The following TRAPPC13 variants were observed in gnomAD, a reference collection of about 807,000 sequenced individuals.
TRAPPC13 encodes REV7-interacting novel NHEJ regulator 1.
A neutral mutation model predicts 54.0 loss-of-function variants in TRAPPC13; 39 were observed. The observed-to-expected ratio is 0.72, with a 90% CI of 0.56 to 0.94. The LOEUF is 0.94. Ranked by LOEUF, TRAPPC13 falls within the 40% of genes least tolerant of loss-of-function variation. The pLI, the probability that TRAPPC13 is intolerant of heterozygous loss-of-function variation, is 0.00. For synonymous variants in TRAPPC13, 148 were observed against 167.7 expected, an observed-to-expected ratio of 0.88 and a Z score of 0.91; for missense variants, 386 against 488.1, an observed-to-expected ratio of 0.79 and a Z score of 1.97.
At chr5:65,629,780 G>T in intron 1 of TRAPPC13, 1 of 1,536,120 alleles carries the variant, frequency 6.5e-7, no homozygotes, top group Non-Finnish European at 8.7e-7. Flanking sequence ...TGAAGAGGCA[G>T]CTGAAGATGT....
chr5:65,626,008 T>C (rs1755209198), intron 1 of TRAPPC13: 1 of 152,242 alleles, frequency 6.6e-6, no homozygotes, highest in Admixed American at 6.5e-5. Flanking sequence ...TCTCATATAA[T>C]GATGCCTGTG....
At chr5:65,653,663 G>T (rs1370238277) in intron 7 of TRAPPC13, among the ~76,000 whole-genome samples, 1 of 152,100 alleles carries the variant, frequency 6.6e-6, no homozygotes, top group Non-Finnish European at 1.5e-5. Flanking sequence ...GAGTCTGAAA[G>T]GAATGCAGGT....
chr5:65,652,631 GA>G (rs763947718), intron 7 of TRAPPC13, 86 bp downstream of exon 7: 2 of 956,880 alleles, frequency 2.1e-6, no homozygotes, highest in Non-Finnish European at 3.4e-6. Flanking sequence ...TTCTAATACT[GA>G]AGCAAATCGC....
rs557404887 is a variant in TRAPPC13 at position 65,643,645 on chromosome 5, T to C, written c.301-3410T>C. On this transcript the variant is annotated intron_variant, in intron 4 of 12. Transcript: ENST00000399438. ...CATCCTGGCTAACACGGTGAAACCC[T>C]GTGTCTACTAAAAATACAAAAATTA... Among the ~76,000 whole-genome samples the C allele has an allele frequency of 4.5e-4, 68 of 151,894 alleles. 1 individual carries two copies. The highest frequency in any genetic ancestry group is 1.5e-3 in the Admixed American group (23 of 15,250).
intron 4 of TRAPPC13, among the ~76,000 whole-genome samples, chr5:65,645,663 G>A (rs1015284702): frequency 2.6e-4 from 39 of 151,988 alleles, no homozygotes; most frequent in Non-Finnish European, 4.6e-4. Context: ...AATTAGCCAG[G>A]CGTGGTGGTG....
chr5:65,657,080 G>A (rs945932823), intron 8 of TRAPPC13, among the ~76,000 whole-genome samples: 7 of 150,916 alleles, frequency 4.6e-5, no homozygotes, highest in East Asian at 4.0e-4. Flanking sequence ...CCATCTTGTG[G>A]GGGTTGGGGG....
chr5:65,657,588 C>A (rs769316133), intron 8 of TRAPPC13, among the ~76,000 whole-genome samples: 7 of 152,026 alleles, frequency 4.6e-5, no homozygotes, highest in African/African-American at 1.7e-4. Context: ...AACCAAATAG[C>A]ATAAAATAAT....
chr5:65,630,186 G>T, intron 1 of TRAPPC13: 2 of 1,535,958 alleles, frequency 1.3e-6, no homozygotes, highest in Non-Finnish European at 1.7e-6. Flanking sequence ...CTTCCATCTT[G>T]TAATGCTACA....
At chr5:65,637,675 A>G in intron 3 of TRAPPC13, 21 bp from the exon 4 acceptor site, 4 of 1,395,782 alleles carry the variant, frequency 2.9e-6, no homozygotes, top group Non-Finnish European at 4.0e-6. Context: ...TTTCTGCCTA[A>G]ATACTTATTT....
At chr5:65,636,946 G>A (rs1467935971) in intron 3 of TRAPPC13, among the ~76,000 whole-genome samples, 3 of 152,058 alleles carry the variant, frequency 2.0e-5, no homozygotes, top group African/African-American at 7.2e-5. Flanking sequence ...TAAAACCACT[G>A]GTGATTTTTA....
At chr5:65,645,742 T>C (rs994347339) in intron 4 of TRAPPC13, among the ~76,000 whole-genome samples, 4 of 152,156 alleles carry the variant, frequency 2.6e-5, no homozygotes, top group African/African-American at 9.7e-5. Context: ...AGATGGAGCT[T>C]GCAGTGAGCC....
At chr5:65,657,307 G>A (rs148561809) in intron 8 of TRAPPC13, among the ~76,000 whole-genome samples, 14 of 151,942 alleles carry the variant, frequency 9.2e-5, no homozygotes, top group African/African-American at 1.4e-4. Context: ...CCTTGAACCC[G>A]GGAGGCGGAG....
Position 65,664,753 on chromosome 5 carries a change from T to C in TRAPPC13, c.*142T>C, listed in dbSNP as rs749940453. ...GTAAAATGGTTAAAATATTAAATAT[T>C]TGTTTTGAAGAGATCTGATTTTATC... On this transcript the variant is annotated 3_prime_UTR_variant, in exon 13 of 13. Transcript: ENST00000399438. The C allele has an allele frequency of 1.1e-4, 74 of 664,984 alleles. No individual in the cohort carries two copies. Among genetic ancestry groups the C allele is most frequent in the Admixed American group, 4.2e-4 (14 of 33,418 alleles). The allele number at this position is 664,984 out of a possible 1,614,324, so 41.2% of individuals were successfully genotyped here.
chr5:65,656,394 A>G (rs1299846991), intron 8 of TRAPPC13, among the ~76,000 whole-genome samples: 2 of 152,132 alleles, frequency 1.3e-5, no homozygotes, highest in East Asian at 1.9e-4. Flanking sequence ...TTTAAAAGCA[A>G]TGGATTGATG....
intron 1 of TRAPPC13, among the ~76,000 whole-genome samples, chr5:65,628,751 A>G (rs191382306): frequency 6.6e-6 from 1 of 152,012 alleles, no homozygotes; most frequent in African/African-American, 2.4e-5. Flanking sequence ...GATTACAGGC[A>G]TGAGCCACCG....
rs1202707968 is a variant in TRAPPC13, at chr5:65,658,452, A to C, written c.649A>C (p.Ile217Leu). The C allele has an allele frequency of 6.3e-7, 1 of 1,588,952 alleles. No individual in the cohort carries two copies. Among genetic ancestry groups the C allele is most frequent in the Non-Finnish European group, 8.6e-7 (1 of 1,165,968 alleles). ...GGAGAAGGTTTCACTGGAGCCATCT[A>C]TTATGTACAATGTAACAGAATTAAA... is the stretch of plus-strand genomic sequence containing the variant. ...FMEKVSLEPS[I>L]MYNVTELNSV... Residue 217 changes from isoleucine to leucine, a missense_variant, in exon 9 of 13, where the codon ATT becomes CTT. Physicochemically the swap from Ile to Leu is conservative, Grantham distance 5 (BLOSUM62 2). Coordinates refer to ENST00000399438, the MANE Select transcript of TRAPPC13 (RefSeq NM_024941.4).
At chr5:65,650,307 G>A (rs577259763) in intron 5 of TRAPPC13, among the ~76,000 whole-genome samples, 16 of 150,990 alleles carry the variant, frequency 1.1e-4, no homozygotes, top group South Asian at 8.4e-4. Context: ...GATTACAGGC[G>A]CCCACCACCA....
intron 4 of TRAPPC13, among the ~76,000 whole-genome samples, chr5:65,644,925 G>C (rs1361614941): frequency 4.0e-5 from 6 of 149,662 alleles, no homozygotes; most frequent in Non-Finnish European, 7.4e-5. Context: ...GGCTGGGCGC[G>C]GTGGCTCATA....
At position 65,662,110 on chromosome 5, in the gene TRAPPC13, G is replaced by C; in HGVS notation, c.958G>C (p.Glu320Gln). 6.2e-7 allele frequency: 1 copy of C among 1,608,862 alleles called. No individual in the cohort carries two copies. The highest frequency in any genetic ancestry group is 1.1e-5 in the South Asian group (1 of 90,392). ...GGCAATACCAGATACCGTAAACCTT[G>C]AAGAACCTTTTCATATTACCTGTAA... ...LEAIPDTVNL[E>Q]EPFHITCKIT... Residue 320 changes from glutamate to glutamine, a missense_variant, in exon 11 of 13, where the codon GAA becomes CAA. Physicochemically the swap from Glu to Gln is conservative, Grantham distance 29. Coordinates refer to ENST00000399438, the MANE Select transcript of TRAPPC13 (RefSeq NM_024941.4).
Sources: allele counts gnomAD v4.1 joint callset (sites outside exome capture counted in the v4.1 genomes callset), GRCh38; gene constraint gnomAD v4.1.1; transcripts MANE v1.5; gene names NCBI Gene and HGNC (gene_info 2026-07-23, HGNC 2026-07-21).